ADGRV1: variants seen among roughly 807,000 people sequenced by gnomAD.
ADGRV1 encodes the protein G-protein coupled receptor 98.
ADGRV1 carries 359 observed loss-of-function variants against 596.2 expected under a neutral mutation model. That is an observed-to-expected ratio of 0.60 (90% CI 0.55 to 0.66). The LOEUF is 0.66. Ranked by LOEUF, ADGRV1 falls within the 30% of genes least tolerant of loss-of-function variation. The probability of loss-of-function intolerance (pLI) is 0.00; values close to 1 mark genes in which losing one functional copy is unlikely to be tolerated. For synonymous variants in ADGRV1, 2,681 were observed against 2,679.2 expected (o/e 1.00, Z -0.02); for missense variants, 7,274 against 7,575.6 (o/e 0.96, Z 1.48).
chr5:90,870,357 A>T (rs1163110978), intron 83 of ADGRV1, among the ~76,000 whole-genome samples: 1 of 152,224 alleles, frequency 6.6e-6, no homozygotes, highest in African/African-American at 2.4e-5. Context: ...CCTAACTTAC[A>T]TAGGTAGAAC....
At chr5:91,071,031 G>A (rs1434604639) in intron 85 of ADGRV1, among the ~76,000 whole-genome samples, 1 of 152,128 alleles carries the variant, frequency 6.6e-6, no homozygotes. Context: ...TTTCTTATTA[G>A]CTCCCTAATG....
Position 90,693,985 on chromosome 5 carries a change from A to G in ADGRV1, c.7229A>G (p.Tyr2410Cys), listed in dbSNP as rs111033430. The change falls in exon 33 of 90, where the codon TAC (tyrosine) becomes TGC (cysteine). Residue 2410 changes from tyrosine to cysteine, a missense_variant. Physicochemically the swap from Tyr to Cys is radical, Grantham distance 194. Around this residue, in one of 5 missense-constraint regions of ADGRV1, gnomAD observed 3,643 missense variants for 3,809.2 expected, o/e 0.96. Coordinates refer to ENST00000405460, the MANE Select transcript of ADGRV1 (RefSeq NM_032119.4). ...AMEEGQDLLS[Y>C]YESPIQGVPD... is the part of the protein sequence containing the mutation. The stretch of plus-strand genomic sequence containing the variant: ...GAGGAAGGTCAAGATTTACTGTCCT[A>G]CTATGAATCTCCAATTCAAGGGGTG... 3.8e-3 allele frequency: 6,098 copies of G among 1,613,360 alleles called. 189 individuals are homozygous for G. The African/African-American group carries it at 0.071, about 19-fold the overall frequency.
At chr5:91,162,765 C>T (rs1797063384) in intron 89 of ADGRV1, among the ~76,000 whole-genome samples, 1 of 152,180 alleles carries the variant, frequency 6.6e-6, no homozygotes, top group Non-Finnish European at 1.5e-5. Flanking sequence ...CTTCCATCTC[C>T]AGATAGGCTA....
intron 64 of ADGRV1, chr5:90,781,218 C>T (rs1219460330): frequency 1.6e-5 from 9 of 569,654 alleles, no homozygotes; most frequent in Non-Finnish European, 2.5e-5. Context: ...TTCGTACAGG[C>T]ACCACTCATT....
intron 87 of ADGRV1, 21 bp from the exon 88 acceptor site, chr5:91,150,009 C>CTTTTTTTTTTTTTTTTTTTTTTTCT: frequency 7.8e-7 from 1 of 1,288,700 alleles, no homozygotes; most frequent in Non-Finnish European, 1.0e-6. Flanking sequence ...CTTTTCTTTT[C>CTTTTTTTTTTTTTTTTTTTTTTTCT]TTTTTTTTTT....
At chr5:91,149,403 G>A (rs1323373822) in intron 87 of ADGRV1, among the ~76,000 whole-genome samples, 1 of 152,162 alleles carries the variant, frequency 6.6e-6, no homozygotes, top group African/African-American at 2.4e-5. Context: ...ATAAGCGTCT[G>A]GCATTTCCCC....
At chr5:90,738,979 C>G (rs1237595059) in intron 50 of ADGRV1, among the ~76,000 whole-genome samples, 1 of 151,878 alleles carries the variant, frequency 6.6e-6, no homozygotes. Flanking sequence ...CTTCTCTATT[C>G]TTTTTCATTC....
intron 2 of ADGRV1, among the ~76,000 whole-genome samples, chr5:90,615,498 A>G (rs1169112758): frequency 1.3e-5 from 2 of 151,966 alleles, no homozygotes; most frequent in East Asian, 3.8e-4. Flanking sequence ...CTATTGATCT[A>G]TCTAGCACAC....
chr5:90,638,308 A>G (rs1295714984), intron 11 of ADGRV1, among the ~76,000 whole-genome samples: 3 of 152,084 alleles, frequency 2.0e-5, no homozygotes, highest in African/African-American at 7.2e-5. Flanking sequence ...TGCTGGCTTT[A>G]TGTTCAACAG....
rs757559841 is a variant in ADGRV1 at position 90,658,052 on chromosome 5, C to A, written c.4526C>A (p.Pro1509Gln). 16 of 1,613,764 alleles carry A rather than the reference C, an allele frequency of 9.9e-6. No individual in the cohort carries two copies. The highest frequency in any genetic ancestry group is 1.4e-5 in the Non-Finnish European group (16 of 1,179,874). The part of the protein sequence containing the change: ...HAMPAKSDLH[P>Q]ISGYLEFRQG... ...ATGCCCGCAAAAAGTGATTTACACCCAATTTCTGGATATCTGGAGTTCAGA... is the reference window on the plus strand; with the variant it reads ...ATGCCCGCAAAAAGTGATTTACACCAAATTTCTGGATATCTGGAGTTCAGA... Residue 1509 changes from proline to glutamine, a missense_variant, in exon 21 of 90, where the codon CCA (proline) becomes CAA (glutamine). Physicochemically the swap from Pro to Gln is moderately conservative, Grantham distance 76. Coordinates refer to ENST00000405460, the MANE Select transcript of ADGRV1 (RefSeq NM_032119.4).
intron 83 of ADGRV1, among the ~76,000 whole-genome samples, chr5:90,956,371 CA>C (rs939233608): frequency 1.3e-5 from 2 of 152,092 alleles, no homozygotes; most frequent in Non-Finnish European, 2.9e-5. Context: ...ATGACAACAA[CA>C]AAATTATCTA....
At position 90,878,135 on chromosome 5, in the gene ADGRV1, A is replaced by G. The variant is rs142504940; in HGVS notation, c.17856+14278A>G. Among the ~76,000 whole-genome samples the G allele has an allele frequency of 1.1e-4, 17 of 152,308 alleles. No individual in the cohort carries two copies. The East Asian group carries it at 3.1e-3, about 28-fold the overall frequency. On this transcript the variant is annotated intron_variant, in intron 83 of 89. Transcript: ENST00000405460. ...AGGCTTGGGAAAAACAATATAAGCA[A>G]TTTCTCCTAAATAGAAGCAAGTTTG...
chr5:90,663,735 T>C (rs1770801641), intron 21 of ADGRV1, among the ~76,000 whole-genome samples: 1 of 152,182 alleles, frequency 6.6e-6, no homozygotes, highest in Non-Finnish European at 1.5e-5. Context: ...CAAGGGTTTT[T>C]ATGGTTTTAG....
At chr5:90,786,097 G>A (rs1759411756) in intron 67 of ADGRV1, among the ~76,000 whole-genome samples, 1 of 152,142 alleles carries the variant, frequency 6.6e-6, no homozygotes, top group African/African-American at 2.4e-5. Context: ...CATGTCCTTT[G>A]CAGGGACATG....
chr5:91,022,635 C>T (rs1427399443), intron 85 of ADGRV1, among the ~76,000 whole-genome samples: 1 of 151,998 alleles, frequency 6.6e-6, no homozygotes, highest in Non-Finnish European at 1.5e-5. Flanking sequence ...GCTGAGAGTT[C>T]GGTTTGGCCT....
intron 20 of ADGRV1, 75 bp downstream of exon 20, chr5:90,654,027 A>G: frequency 7.0e-7 from 1 of 1,428,682 alleles, no homozygotes; most frequent in Non-Finnish European, 9.6e-7. Flanking sequence ...TAGATTTTTA[A>G]AAAAGTGCTA....
chr5:91,150,023 TTTG>T lies in ADGRV1; in HGVS notation c.18433-6_18433-4del, dbSNP rs373663429. ...TCTTTTCTTTTCTTTTTTTTTTTTTTTTGCAGGGACTTTATGTTTTCATGGTTT... is the reference window on the plus strand; with the variant it reads ...TCTTTTCTTTTCTTTTTTTTTTTTTTCAGGGACTTTATGTTTTCATGGTTT... On this transcript the variant is annotated splice_polypyrimidine_tract_variant and splice_region_variant and intron_variant, in intron 87 of 89. Transcript: ENST00000405460. 1 of 1,506,236 alleles carries T rather than the reference TTTG, an allele frequency of 6.6e-7. No homozygotes were observed. Among genetic ancestry groups the T allele is most frequent in the East Asian group, 2.5e-5 (1 of 40,346 alleles). The allele number at this position is 1,506,236 out of a possible 1,614,324, so 93.3% of individuals were successfully genotyped here.
intron 39 of ADGRV1, among the ~76,000 whole-genome samples, chr5:90,710,483 T>C (rs888502485): frequency 6.6e-6 from 1 of 152,198 alleles, no homozygotes; most frequent in Admixed American, 6.5e-5. Flanking sequence ...CCAAACTTTT[T>C]CCCCATCTTT....
intron 85 of ADGRV1, among the ~76,000 whole-genome samples, chr5:91,053,236 G>T (rs1362597988): frequency 6.6e-6 from 1 of 152,152 alleles, no homozygotes; most frequent in Non-Finnish European, 1.5e-5. Context: ...CCTTCACACA[G>T]TCTTTATTGG....
Sources: gnomAD v4.1 joint callset for allele counts (sites outside exome capture counted in the v4.1 genomes callset) on GRCh38, gnomAD v4.1.1 for gene constraint, gnomAD v4.1.1 regional missense constraint, MANE v1.5 for transcripts, NCBI Gene and HGNC (gene_info 2026-07-23, HGNC 2026-07-21) for gene names.